The following FAM120AOS variants were observed in gnomAD, a reference collection of about 807,000 sequenced individuals.
FAM120AOS encodes uncharacterized protein FAM120AOS.
Under a neutral mutation model 20.2 loss-of-function variants are expected in FAM120AOS, and 15 were observed. That is an observed-to-expected ratio of 0.74 (90% CI 0.50 to 1.15). The LOEUF (loss-of-function observed/expected upper bound fraction) is 1.15, where lower values mean the gene tolerates loss of function less well. Ranked by LOEUF, FAM120AOS falls within the 50% of genes most tolerant of loss-of-function variation. The pLI is 0.00. For synonymous variants in FAM120AOS, 154 were observed against 154.0 expected, an observed-to-expected ratio of 1.00 and a Z score of 0.00; for missense variants, 327 against 351.9, an observed-to-expected ratio of 0.93 and a Z score of 0.57.
In FAM120AOS at chr9:93,444,350, C is replaced by A. The variant is rs114312655; in HGVS notation, c.*3261G>T. 0.011 allele frequency among the ~76,000 whole-genome samples: 1,625 copies of A among 152,004 alleles called. 35 individuals are homozygous for A. The highest frequency in any genetic ancestry group is 0.037 in the African/African-American group (1,515 of 41,458). On this transcript the variant is annotated 3_prime_UTR_variant, in exon 3 of 3. Transcript: ENST00000375412. ...CCACCGTGTCCAGCCTGACTAGGGT[C>A]ATCTTTAGGTCAGGACTGAGAGAGA...
chr9:93,450,950 CTCTCAAGACAG>C, intron 1 of FAM120AOS: 1 of 1,362,804 alleles, frequency 7.3e-7, no homozygotes, highest in Non-Finnish European at 1.0e-6. Context: ...CAGACCTGTG[CTCTCAAGACAG>C]TCTCTTCCGT....
chr9:93,450,366 C>T, intron 2 of FAM120AOS, 113 bp downstream of exon 2: 3 of 1,452,604 alleles, frequency 2.1e-6, no homozygotes, highest in Non-Finnish European at 2.8e-6. Context: ...ACTTGTCAGC[C>T]TGCTTTTAAA....
At position 93,452,641 on chromosome 9, in the gene FAM120AOS, GGAGA is replaced by G. The variant is rs769895950; in HGVS notation, c.65_68del (p.Leu22ProfsTer68). On this transcript the variant is annotated frameshift_variant, in exon 1 of 3. Transcript: ENST00000375412. LOFTEE classifies it high-confidence loss of function. The surrounding 1 kb of genome is among the most constrained non-coding windows in gnomAD (Gnocchi z 7.0). Reference sequence around the variant, plus strand: ...GCCGCGTGGGGACACTTGAGGGCTGGGAGAGAGCCCCGGACCAGAATTCGGAGGC... The same window carrying G: ...GCCGCGTGGGGACACTTGAGGGCTGGGAGCCCCGGACCAGAATTCGGAGGC... 3 of 1,599,206 alleles carry G rather than the reference GGAGA, an allele frequency of 1.9e-6. No individual in the cohort carries two copies. The highest frequency in any genetic ancestry group is 2.2e-5 in the South Asian group (2 of 91,080).
In FAM120AOS at chr9:93,453,558, G is replaced by T; in HGVS notation, c.-849C>A. The T allele has an allele frequency of 2.0e-6, 2 of 985,406 alleles. No individual in the cohort carries two copies. Among genetic ancestry groups the T allele is most frequent in the Non-Finnish European group, 2.4e-6 (2 of 829,932 alleles). The allele number at this position is 985,406 out of a possible 1,614,324, so 61.0% of individuals were successfully genotyped here. On this transcript the variant is annotated 5_prime_UTR_variant, in exon 1 of 3. Coordinates refer to ENST00000375412, the MANE Select transcript of FAM120AOS (RefSeq NM_198841.4). Reference sequence around the variant, plus strand: ...CTTCGCGGTTGCCCCCACTGCCCGCGAGGAGATGGTGGTAGTTAAGCCTAA... The same window carrying T: ...CTTCGCGGTTGCCCCCACTGCCCGCTAGGAGATGGTGGTAGTTAAGCCTAA...
intron 2 of FAM120AOS, 46 bp from the exon 3 acceptor site, chr9:93,447,743 T>C (rs1856907917): frequency 1.3e-6 from 2 of 1,524,062 alleles, no homozygotes; most frequent in Non-Finnish European, 1.8e-6. Flanking sequence ...GTTTGGAATA[T>C]GAAATGTATT....
rs1217945840 is a variant in FAM120AOS at position 93,447,552 on chromosome 9, T to C, written c.*59A>G. ...GAATAGAGCATTTTCCCTCACACGA[T>C]GGGTATCAGGGTGGTTTCTTGTCCT... is the stretch of plus-strand genomic sequence containing the variant. On this transcript the variant is annotated 3_prime_UTR_variant, in exon 3 of 3. Coordinates refer to ENST00000375412, the MANE Select transcript of FAM120AOS (RefSeq NM_198841.4). 5 of 1,403,592 alleles carry C rather than the reference T, an allele frequency of 3.6e-6. No homozygotes were observed. The highest frequency in any genetic ancestry group is 2.3e-5 in the East Asian group (1 of 43,844). The allele number at this position is 1,403,592 out of a possible 1,614,324, so 86.9% of individuals were successfully genotyped here. A position where few individuals can be genotyped will look rare whatever the true frequency, so the allele number is the denominator to read the frequency against.
intron 1 of FAM120AOS, chr9:93,450,980 G>C (rs949494952): frequency 2.0e-6 from 3 of 1,502,888 alleles, no homozygotes; most frequent in Non-Finnish European, 2.7e-6. Context: ...GTGACGAGCA[G>C]GCGCTTAGGG....
Position 93,452,519 on chromosome 9 carries a change from G to A in FAM120AOS, c.191C>T (p.Ser64Phe). The A allele has an allele frequency of 6.4e-7, 1 of 1,554,002 alleles. No homozygotes were observed. Among genetic ancestry groups the A allele is most frequent in the Non-Finnish European group, 8.7e-7 (1 of 1,155,254 alleles). The change falls in exon 1 of 3, where the codon TCC becomes TTC. Residue 64 changes from serine to phenylalanine, a missense_variant. Coordinates refer to ENST00000375412, the MANE Select transcript of FAM120AOS (RefSeq NM_198841.4). This position sits in a 1 kb window ranked among gnomAD's most constrained non-coding sequence, Gnocchi z 7.0. The part of the protein sequence containing the change: ...SILQPGPARL[S>F]RARAGGTRCP... ...GCGAGTTCCCCCAGCCCTTGCCCGG[G>A]ATAGCCTGGCCGGGCCGGGCTGCAA...
In FAM120AOS at chr9:93,450,502, C is replaced by A; in HGVS notation, c.661G>T (p.Ala221Ser). The A allele has an allele frequency of 6.3e-7, 1 of 1,585,696 alleles. No individual in the cohort carries two copies. The highest frequency in any genetic ancestry group is 1.2e-5 in the South Asian group (1 of 86,516). ...GCCTTTTTCACCGGGAGTATGGGGG[C>A]TTCTTTGGCCAAACCGTGCGCGTGC... ...SLHAHGLAKE[A>S]PILPVKKISR... The change falls in exon 2 of 3, where the codon GCC (alanine) becomes TCC (serine). Residue 221 changes from alanine (A) to serine (S), a missense_variant. Transcript: ENST00000375412.
chr9:93,452,801 C>T lies in FAM120AOS; in HGVS notation c.-92G>A. The T allele has an allele frequency of 1.3e-6, 2 of 1,588,402 alleles. No homozygotes were observed. The highest frequency in any genetic ancestry group is 1.7e-5 in the Admixed American group (1 of 57,702). ...GCCTGTTCTTTCCCAGCAACAGGTT[C>T]ATCTTGGAAGCAGGCAGGATACAGA... On this transcript the variant is annotated 5_prime_UTR_variant, in exon 1 of 3. The change abolishes an upstream ATG in the 5' untranslated region. Transcript: ENST00000375412. This position sits in a 1 kb window ranked among gnomAD's most constrained non-coding sequence, Gnocchi z 7.0.
rs1172992483 is a variant in FAM120AOS at position 93,444,087 on chromosome 9, C to A, written c.*3524G>T. On this transcript the variant is annotated 3_prime_UTR_variant, in exon 3 of 3. Transcript: ENST00000375412. ...CGGAGTTTTGCTCTTGCTGTCCAGGCTGGAGTGCAATGGCGCGATCTCGGC... is the reference window on the plus strand; with the variant it reads ...CGGAGTTTTGCTCTTGCTGTCCAGGATGGAGTGCAATGGCGCGATCTCGGC... 6.6e-6 allele frequency among the ~76,000 whole-genome samples: 1 copy of A among 152,190 alleles called. No homozygotes were observed. The highest frequency in any genetic ancestry group is 1.5e-5 in the Non-Finnish European group (1 of 68,034).
In FAM120AOS at chr9:93,450,491, G is replaced by C. The variant is rs746102004; in HGVS notation, c.672C>G (p.Leu224=). The part of the protein sequence containing the change: ...AHGLAKEAPI[L]PVKKISRSCS... ...AAATCCAACTTGCCTTTTTCACCGG[G>C]AGTATGGGGGCTTCTTTGGCCAAAC... Residue 224 remains leucine (L), a synonymous_variant, in exon 2 of 3, where the codon CTC becomes CTG. Transcript: ENST00000375412. 4 of 1,578,374 alleles carry C rather than the reference G, an allele frequency of 2.5e-6. No individual in the cohort carries two copies. In the South Asian group the frequency reaches 3.5e-5, roughly 14 times the overall value.
In FAM120AOS at chr9:93,445,579, C is replaced by CT. The variant is rs1564289070; in HGVS notation, c.*2031_*2032insA. ...CTGGTTCTCCAACTTTCATAAAAAT[C>CT]GTTGTTTTTTTTTTTTTTTTTTTTT... On this transcript the variant is annotated 3_prime_UTR_variant, in exon 3 of 3. Transcript: ENST00000375412. Among the ~76,000 whole-genome samples the CT allele has an allele frequency of 8.1e-6, 1 of 124,122 alleles. No homozygotes were observed. Among genetic ancestry groups the CT allele is most frequent in the African/African-American group, 3.0e-5 (1 of 33,180 alleles). The allele number at this position is 124,122 out of a possible 152,430, so 81.4% of individuals were successfully genotyped here.
chr9:93,453,268 T>G lies in FAM120AOS; in HGVS notation c.-559A>C. On this transcript the variant is annotated 5_prime_UTR_variant, in exon 1 of 3. It removes the in-frame stop codon of an upstream open reading frame in the 5' UTR. Coordinates refer to ENST00000375412, the MANE Select transcript of FAM120AOS (RefSeq NM_198841.4). ...ACGGGTGGGTAATCAGAGCTCTATA[T>G]CACCGGCCTCCTCTGGCCCTTTGGC... is the stretch of plus-strand genomic sequence containing the variant. The G allele has an allele frequency of 1.0e-6, 1 of 990,308 alleles. No individual in the cohort carries two copies. Among genetic ancestry groups the G allele is most frequent in the Non-Finnish European group, 1.2e-6 (1 of 833,380 alleles). 61.3% of individuals were successfully genotyped at this position (990,308 alleles called of 1,614,324 possible). A position where few individuals can be genotyped will look rare whatever the true frequency, so the allele number is the denominator to read the frequency against.
Position 93,444,035 on chromosome 9 carries a change from G to GTT in FAM120AOS, c.*3574_*3575dup, listed in dbSNP as rs1856773812. On this transcript the variant is annotated 3_prime_UTR_variant, in exon 3 of 3. Coordinates refer to ENST00000375412, the MANE Select transcript of FAM120AOS (RefSeq NM_198841.4). ...GGTTTTCTCTCAGGGGAATTTTTTT[G>GTT]TTTGTTTTTGTTTTTGTTTTTTGAG... Among the ~76,000 whole-genome samples the GTT allele has an allele frequency of 6.6e-6, 1 of 151,990 alleles. No homozygotes were observed. The highest frequency in any genetic ancestry group is 2.4e-5 in the African/African-American group (1 of 41,326).
chr9:93,451,796 G>T lies in FAM120AOS; in HGVS notation c.563+351C>A, dbSNP rs1441067561. 1.2e-3 allele frequency: 623 copies of T among 541,084 alleles called. 5 individuals carry two copies. In the African/African-American group the frequency reaches 0.028, roughly 25 times the overall value. 33.5% of individuals were successfully genotyped at this position (541,084 alleles called of 1,614,324 possible). On this transcript the variant is annotated intron_variant, in intron 1 of 2. Transcript: ENST00000375412. ...GCGGCCATGAGCGCGCCCCCGACCC[G>T]CCCCAGTCCCCCCTAGAGGCCGCCG...
At position 93,444,242 on chromosome 9, in the gene FAM120AOS, G is replaced by A. The variant is rs1034879280; in HGVS notation, c.*3369C>T. Reference sequence around the variant, plus strand: ...TTTAGTAGAGACAGGGTTTCTCCATGTTGGTCAGGCTGGTCTTGAACTCCT... The same window carrying A: ...TTTAGTAGAGACAGGGTTTCTCCATATTGGTCAGGCTGGTCTTGAACTCCT... On this transcript the variant is annotated 3_prime_UTR_variant, in exon 3 of 3. Transcript: ENST00000375412. Among the ~76,000 whole-genome samples the A allele has an allele frequency of 6.6e-6, 1 of 152,076 alleles. No individual in the cohort carries two copies. Among genetic ancestry groups the A allele is most frequent in the African/African-American group, 2.4e-5 (1 of 41,400 alleles).
rs543751378 is a variant in FAM120AOS at position 93,452,698 on chromosome 9, A to C, written c.12T>G (p.Thr4=). MGK[T]KDIGDDDTVA... ...CAGTGTCATCATCCCCAATATCCTT[A>C]GTTTTTCCCATCCTATTTGAGGCGG... The change falls in exon 1 of 3, where the codon ACT becomes ACG. Residue 4 remains threonine (T), a synonymous_variant. Transcript: ENST00000375412. This position sits in a 1 kb window ranked among gnomAD's most constrained non-coding sequence, Gnocchi z 7.0. The C allele has an allele frequency of 2.5e-6, 4 of 1,598,534 alleles. No homozygotes were observed. In the African/African-American group the frequency reaches 5.3e-5, roughly 21 times the overall value.
chr9:93,450,456 G>C, intron 2 of FAM120AOS, 23 bp downstream of exon 2: 1 of 1,545,116 alleles, frequency 6.5e-7, no homozygotes, highest in Non-Finnish European at 8.7e-7. Context: ...TATCAGAAAA[G>C]AAAGCAGAAA....
Sources: allele counts gnomAD v4.1 joint callset (sites outside exome capture counted in the v4.1 genomes callset), GRCh38; gene constraint gnomAD v4.1.1; non-coding constraint Gnocchi (gnomAD v3.1); transcripts MANE v1.5; gene names NCBI Gene and HGNC (gene_info 2026-07-23, HGNC 2026-07-21).